The following EVA1A variants were observed in gnomAD, a reference collection of about 807,000 sequenced individuals.
EVA1A encodes the protein eva-1 homolog A, regulator of programmed cell death.
EVA1A carries 7 observed loss-of-function variants against 9.8 expected under a neutral mutation model. That is an observed-to-expected ratio of 0.71 (90% CI 0.41 to 1.34). The LOEUF (loss-of-function observed/expected upper bound fraction) is 1.34. Ranked by LOEUF, EVA1A falls within the 40% of genes most tolerant of loss-of-function variation. The pLI is 0.01. For synonymous variants in EVA1A, 90 were observed against 85.6 expected, an observed-to-expected ratio of 1.05 and a Z score of -0.28; for missense variants, 206 against 205.9, an observed-to-expected ratio of 1.00 and a Z score of 0.00.
Position 75,518,072 on chromosome 2 carries a change from G to A in EVA1A, c.69C>T (p.Ala23=), listed in dbSNP as rs540805520. Reference sequence around the variant, plus strand: ...GGCACCTACCTGAGACAAAGGAATAGGCCGCTAGGATGTTGCTGAGCAAAG... The same window carrying A: ...GGCACCTACCTGAGACAAAGGAATAAGCCGCTAGGATGTTGCTGAGCAAAG... ...EMALLSNILA[A]YSFVSENPER... is the part of the protein sequence containing the mutation. Residue 23 remains alanine, a synonymous_variant, in exon 3 of 4, where the codon GCC becomes GCT. Coordinates refer to ENST00000393913, the MANE Select transcript of EVA1A (RefSeq NM_001135032.2). The A allele has an allele frequency of 6.2e-7, 1 of 1,614,096 alleles. No individual in the cohort carries two copies. Among genetic ancestry groups the A allele is most frequent in the South Asian group, 1.1e-5 (1 of 91,078 alleles).
rs144616397 is a variant in EVA1A at position 75,552,163 on chromosome 2, G to A, written c.-192+8517C>T. On this transcript the variant is annotated intron_variant, in intron 1 of 3. Transcript: ENST00000393913. ...GATTGTGCTGCTGCATGCCAGCGTG[G>A]TCACAAAGTGAGACTCTGTCTCTTA... Among the ~76,000 whole-genome samples, 515 of 149,866 alleles carry A rather than the reference G, an allele frequency of 3.4e-3. 2 individuals carry two copies. Among genetic ancestry groups the A allele is most frequent in the African/African-American group, 0.012 (489 of 40,760 alleles).
chr2:75,510,522 A>T (rs1221896551), intron 3 of EVA1A, among the ~76,000 whole-genome samples: 1 of 152,174 alleles, frequency 6.6e-6, no homozygotes. Flanking sequence ...CACTGTTGAG[A>T]GACTGCCTCC....
At chr2:75,528,113 G>A (rs1675516259) in intron 1 of EVA1A, among the ~76,000 whole-genome samples, 1 of 152,226 alleles carries the variant, frequency 6.6e-6, no homozygotes, top group Admixed American at 6.5e-5. Context: ...GGGAAGCCCA[G>A]CGAAGCCATT....
intron 3 of EVA1A, among the ~76,000 whole-genome samples, chr2:75,499,028 T>C (rs918563869): frequency 1.3e-5 from 2 of 152,208 alleles, no homozygotes; most frequent in Admixed American, 6.5e-5. Flanking sequence ...GCACAATGTG[T>C]ATAAAAACAT....
chr2:75,494,207 G>C (rs1674126550), intron 3 of EVA1A, among the ~76,000 whole-genome samples: 1 of 152,190 alleles, frequency 6.6e-6, no homozygotes, highest in South Asian at 2.1e-4. Context: ...CAAACATGTA[G>C]ATCGAAAATA....
intron 3 of EVA1A, among the ~76,000 whole-genome samples, chr2:75,495,209 C>G (rs541902755): frequency 9.2e-5 from 14 of 152,268 alleles, no homozygotes; most frequent in African/African-American, 3.1e-4. Flanking sequence ...AGTTCTTGTT[C>G]TCAGAATGCA....
chr2:75,558,872 T>C (rs1676817900), intron 1 of EVA1A, among the ~76,000 whole-genome samples: 1 of 152,188 alleles, frequency 6.6e-6, no homozygotes, highest in Non-Finnish European at 1.5e-5. Flanking sequence ...TCAGTGCTTG[T>C]AAAACACCTG....
At chr2:75,555,337 C>CTCTCTCT (rs1553421931) in intron 1 of EVA1A, among the ~76,000 whole-genome samples, 26 of 127,088 alleles carry the variant, frequency 2.0e-4, no homozygotes, top group South Asian at 5.5e-4. Flanking sequence ...CTCTCTCTCT[C>CTCTCTCT]CCCCATCTCC....
In EVA1A at chr2:75,554,255, T is replaced by C. The variant is rs566804391; in HGVS notation, c.-192+6425A>G. ...CAGCAGGTGTTTTGTAAAGTCTTCT[T>C]TTCCTTGCAAGTTTATGGTTGCTTC... On this transcript the variant is annotated intron_variant, in intron 1 of 3. Transcript: ENST00000393913. Among the ~76,000 whole-genome samples, 25 of 152,306 alleles carry C rather than the reference T, an allele frequency of 1.6e-4. No individual in the cohort carries two copies. The East Asian group carries it at 2.7e-3, about 16-fold the overall frequency.
intron 1 of EVA1A, among the ~76,000 whole-genome samples, chr2:75,524,376 C>T (rs1675342846): frequency 6.6e-6 from 1 of 151,938 alleles, no homozygotes; most frequent in Admixed American, 6.6e-5. Flanking sequence ...ATCCTAGATT[C>T]ATCTTTTCTC....
At chr2:75,503,848 A>G (rs960468919) in intron 3 of EVA1A, among the ~76,000 whole-genome samples, 3 of 152,116 alleles carry the variant, frequency 2.0e-5, no homozygotes, top group African/African-American at 7.2e-5. Flanking sequence ...AATAAATTCA[A>G]TGTTTGATAA....
chr2:75,525,697 C>T (rs1675408678), intron 1 of EVA1A, among the ~76,000 whole-genome samples: 1 of 152,194 alleles, frequency 6.6e-6, no homozygotes. Context: ...GAACAATGTC[C>T]TCAATGACAC....
At chr2:75,545,690 CAG>C (rs10572416) in intron 1 of EVA1A, among the ~76,000 whole-genome samples, 46,307 of 151,860 alleles carry the variant, frequency 0.3, 7,458 homozygotes, top group African/African-American at 0.41. Context: ...GCACAGGACA[CAG>C]AAATCATTCA....
chr2:75,549,325 G>A (rs1301193895), intron 1 of EVA1A, among the ~76,000 whole-genome samples: 1 of 152,122 alleles, frequency 6.6e-6, no homozygotes, highest in Non-Finnish European at 1.5e-5. Context: ...AACCACATTT[G>A]TGCGGAGCCA....
rs141406442 is a variant in EVA1A, at chr2:75,568,519, A to G, written c.-192+957T>C. 4.3e-3 allele frequency among the ~76,000 whole-genome samples: 659 copies of G among 151,910 alleles called. 27 individuals are homozygous for G. The highest frequency in any genetic ancestry group is 0.037 in the Admixed American group (568 of 15,222). On this transcript the variant is annotated intron_variant, in intron 1 of 3. Transcript: ENST00000233712. ...AGGTGATTTTTGGTTACATAGATAAATTCTTCAGTAGTGATTTCTGAGATG... is the reference window on the plus strand; with the variant it reads ...AGGTGATTTTTGGTTACATAGATAAGTTCTTCAGTAGTGATTTCTGAGATG...
intron 1 of EVA1A, among the ~76,000 whole-genome samples, chr2:75,544,447 T>C (rs761057710): frequency 2.0e-4 from 31 of 152,228 alleles, no homozygotes; most frequent in Non-Finnish European, 3.4e-4. Flanking sequence ...GATGTTAGAC[T>C]GATCAAGACC....
At chr2:75,496,931 AG>A (rs1674232604) in intron 3 of EVA1A, among the ~76,000 whole-genome samples, 1 of 152,182 alleles carries the variant, frequency 6.6e-6, no homozygotes, top group African/African-American at 2.4e-5. Flanking sequence ...ATAACAGCAA[AG>A]GGGAAAAGAT....
chr2:75,565,029 C>T (rs139618714), upstream of EVA1A, among the ~76,000 whole-genome samples: 243 of 152,348 alleles, frequency 1.6e-3, 2 homozygotes, highest in Non-Finnish European at 2.9e-3. Flanking sequence ...CCACAAGATG[C>T]TTGCAGTGAG....
At position 75,560,925 on chromosome 2, in the gene EVA1A, G is replaced by A. The variant is rs1676902633; in HGVS notation, c.-437C>T. The A allele has an allele frequency of 6.5e-6, 1 of 153,130 alleles. No individual in the cohort carries two copies. The highest frequency in any genetic ancestry group is 2.4e-5 in the African/African-American group (1 of 41,466). 9.5% of individuals were successfully genotyped at this position (153,130 alleles called of 1,614,324 possible). A position where few individuals can be genotyped will look rare whatever the true frequency, so the allele number is the denominator to read the frequency against. Reference sequence around the variant, plus strand: ...GGCGCCAAGCCCCGCAGAAGCTGCAGGAGCCCGAGTCAGTGGGAGGAAAAG... The same window carrying A: ...GGCGCCAAGCCCCGCAGAAGCTGCAAGAGCCCGAGTCAGTGGGAGGAAAAG... On this transcript the variant is annotated 5_prime_UTR_variant, in exon 1 of 4. Coordinates refer to ENST00000393913, the MANE Select transcript of EVA1A (RefSeq NM_001135032.2).
Sources: gnomAD v4.1 joint callset for allele counts (sites outside exome capture counted in the v4.1 genomes callset) on GRCh38, gnomAD v4.1.1 for gene constraint, MANE v1.5 for transcripts, NCBI Gene and HGNC (gene_info 2026-07-23, HGNC 2026-07-21) for gene names.